Variants in NXN observed in about 807,000 individuals in gnomAD.
NXN encodes nucleoredoxin 1.
In NXN, 16 loss-of-function variants were observed where a neutral mutation model predicts 48.6. That is an observed-to-expected ratio of 0.33 (90% CI 0.22 to 0.50). The LOEUF (loss-of-function observed/expected upper bound fraction) is 0.50. Ranked by LOEUF, NXN falls within the 20% of genes least tolerant of loss-of-function variation. NXN has a pLI of 0.98. For missense variants in NXN, 492 were observed against 605.5 expected (o/e 0.81, Z 1.97); for synonymous variants, 281 against 269.6 (o/e 1.04, Z -0.41).
chr17:972,901 G>A (rs1041860078), intron 1 of NXN, among the ~76,000 whole-genome samples: 1 of 151,898 alleles, frequency 6.6e-6, no homozygotes, highest in African/African-American at 2.4e-5. Flanking sequence ...GGTGGTGACG[G>A]GCCCCTGTAG....
At chr17:915,344 A>T (rs2068677845) in intron 1 of NXN, among the ~76,000 whole-genome samples, 1 of 151,570 alleles carries the variant, frequency 6.6e-6, no homozygotes, top group Non-Finnish European at 1.5e-5. Context: ...CCCAGGCTGG[A>T]GTCATCTCGG....
intron 1 of NXN, among the ~76,000 whole-genome samples, chr17:886,251 C>T (rs1435324190): frequency 6.6e-6 from 1 of 152,068 alleles, no homozygotes; most frequent in Non-Finnish European, 1.5e-5. Flanking sequence ...CTTAGAATCT[C>T]TCCAACATTA....
intron 1 of NXN, among the ~76,000 whole-genome samples, chr17:868,531 G>A (rs1026753535): frequency 2.6e-5 from 4 of 151,692 alleles, no homozygotes; most frequent in Admixed American, 6.6e-5. Flanking sequence ...TCGCTCTGTC[G>A]CCCAGGCTGG....
rs1459831853 is a variant in NXN at position 842,978 on chromosome 17, AAGAGAGAAAGAGAGAAAGAG to A, written c.361-16920_361-16901del. Among the ~76,000 whole-genome samples the A allele has an allele frequency of 1.3e-3, 150 of 111,268 alleles. 1 individual carries two copies. Among genetic ancestry groups the A allele is most frequent in the African/African-American group, 2.1e-3 (59 of 28,134 alleles). 73.0% of individuals were successfully genotyped at this position (111,268 alleles called of 152,430 possible). ...AAAGAAAGAAAGAGAGAAAGAGAGA[AAGAGAGAAAGAGAGAAAGAG>A]AGAAAGAGAGAAAGAAAGAAAGAAA... On this transcript the variant is annotated intron_variant, in intron 1 of 7. Coordinates refer to ENST00000336868, the MANE Select transcript of NXN (RefSeq NM_022463.5).
At position 956,805 on chromosome 17, in the gene NXN, G is replaced by C. The variant is rs2069174680; in HGVS notation, c.360+22514C>G. The stretch of plus-strand genomic sequence containing the variant: ...TCGTTCCCACTTTACAGATGAGGAA[G>C]TGGGGTTAAAGTAACTTGCCCAAGA... On this transcript the variant is annotated intron_variant, in intron 1 of 7. Coordinates refer to ENST00000336868, the MANE Select transcript of NXN (RefSeq NM_022463.5). The surrounding 1 kb of genome is among the most constrained non-coding windows in gnomAD (Gnocchi z 4.1). 6.6e-6 allele frequency among the ~76,000 whole-genome samples: 1 copy of C among 152,180 alleles called. No homozygotes were observed. The highest frequency in any genetic ancestry group is 2.4e-5 in the African/African-American group (1 of 41,436).
At chr17:891,115 G>C (rs1383603530) in intron 1 of NXN, among the ~76,000 whole-genome samples, 30 of 152,160 alleles carry the variant, frequency 2.0e-4, no homozygotes, top group Non-Finnish European at 4.4e-5. Context: ...ATCTCACTCT[G>C]TTGCCCAGGC....
rs1337325572 is a variant in NXN at position 919,303 on chromosome 17, C to T, written c.360+60016G>A. On this transcript the variant is annotated intron_variant, in intron 1 of 7. Coordinates refer to ENST00000336868, the MANE Select transcript of NXN (RefSeq NM_022463.5). The surrounding 1 kb of genome is among the most constrained non-coding windows in gnomAD (Gnocchi z 5.1). ...GCTTGAACTAGGGAGGCAGAGGTTG[C>T]AGTGAGCCGAGATTGTGCCACTGTA... Among the ~76,000 whole-genome samples, 1 of 152,020 alleles carries T rather than the reference C, an allele frequency of 6.6e-6. No homozygotes were observed. The highest frequency in any genetic ancestry group is 1.5e-5 in the Non-Finnish European group (1 of 68,004).
chr17:959,360 C>T (rs1410597566), intron 1 of NXN: 10 of 230,758 alleles, frequency 4.3e-5, no homozygotes, highest in Non-Finnish European at 5.9e-5. Context: ...TACGTGGAGT[C>T]GCGCAGAGGC....
intron 1 of NXN, among the ~76,000 whole-genome samples, chr17:977,399 G>A (rs190249632): frequency 0.012 from 1,793 of 152,358 alleles, 28 homozygotes; most frequent in Non-Finnish European, 0.019. Flanking sequence ...GGAATCAGCA[G>A]GTCCAGGCTA....
At position 819,464 on chromosome 17, in the gene NXN, G is replaced by A; in HGVS notation, c.795C>T (p.Arg265=). 6.2e-7 allele frequency: 1 copy of A among 1,614,126 alleles called. No homozygotes were observed. Among genetic ancestry groups the A allele is most frequent in the Non-Finnish European group, 8.5e-7 (1 of 1,180,000 alleles). The change falls in exon 5 of 8, where the codon CGC becomes CGT. Residue 265 remains arginine, a synonymous_variant. Transcript: ENST00000336868. ...VPYTDEARRS[R]LNRLYGIQGI... Reference sequence around the variant, plus strand: ...CTTGGATTCCGTACAGCCGGTTGAGGCGCGACCGCCGGGCCTCATCCGTGT... The same window carrying A: ...CTTGGATTCCGTACAGCCGGTTGAGACGCGACCGCCGGGCCTCATCCGTGT...
Position 833,335 on chromosome 17 carries a change from C to T in NXN, c.361-7257G>A, listed in dbSNP as rs376774246. ...CGGCTCTGAAACAATGTGGTCTGCA[C>T]GGGAGTCACCATTCCGAAAAACACA... On this transcript the variant is annotated intron_variant, in intron 1 of 7. Coordinates refer to ENST00000336868, the MANE Select transcript of NXN (RefSeq NM_022463.5). Among the ~76,000 whole-genome samples the T allele has an allele frequency of 4.7e-4, 72 of 152,212 alleles. No individual in the cohort carries two copies. In the South Asian group the frequency reaches 0.012, roughly 26 times the overall value.
intron 1 of NXN, among the ~76,000 whole-genome samples, chr17:925,562 T>G (rs2144961401): frequency 6.6e-6 from 1 of 152,310 alleles, no homozygotes; most frequent in South Asian, 2.1e-4. Context: ...CTAGTTTTTG[T>G]AGTTTTAGTA....
At chr17:926,780 G>A (rs893991703) in intron 1 of NXN, among the ~76,000 whole-genome samples, 5 of 151,750 alleles carry the variant, frequency 3.3e-5, no homozygotes, top group Non-Finnish European at 5.9e-5. Flanking sequence ...GAGCTCAAGC[G>A]ATCTGCCCGC....
chr17:918,272 G>A (rs1425864148), intron 1 of NXN, among the ~76,000 whole-genome samples: 6 of 152,172 alleles, frequency 3.9e-5, no homozygotes, highest in Admixed American at 3.9e-4. Context: ...AAAGGGGTCT[G>A]GTCTTGATTA....
intron 1 of NXN, among the ~76,000 whole-genome samples, chr17:843,789 G>A (rs2067827893): frequency 6.6e-6 from 1 of 152,180 alleles, no homozygotes; most frequent in Admixed American, 6.5e-5. Context: ...GTGAACGTTG[G>A]GACCCTGACC....
At position 825,837 on chromosome 17, in the gene NXN, C is replaced by T. The variant is rs1324024865; in HGVS notation, c.478+124G>A. ...TTCACCAAGACGACATTCTCTACCACGTAAACCCACGTGTATCTATTTCAC... is the reference window on the plus strand; with the variant it reads ...TTCACCAAGACGACATTCTCTACCATGTAAACCCACGTGTATCTATTTCAC... On this transcript the variant is annotated intron_variant, in intron 2 of 7. Transcript: ENST00000336868. This position sits in a 1 kb window ranked among gnomAD's most constrained non-coding sequence, Gnocchi z 4.1. 14 of 659,512 alleles carry T rather than the reference C, an allele frequency of 2.1e-5. No homozygotes were observed. The highest frequency in any genetic ancestry group is 1.1e-4 in the East Asian group (4 of 38,000). The allele number at this position is 659,512 out of a possible 1,614,324, so 40.9% of individuals were successfully genotyped here.
intron 5 of NXN, chr17:819,078 C>T: frequency 3.1e-6 from 1 of 322,848 alleles, no homozygotes; most frequent in East Asian, 1.0e-4. Context: ...TCCTGAGTAG[C>T]TGGTACTACA....
At chr17:816,041 T>C (rs1186456621) in intron 5 of NXN, among the ~76,000 whole-genome samples, 2 of 151,920 alleles carry the variant, frequency 1.3e-5, no homozygotes, top group East Asian at 3.9e-4. Flanking sequence ...GGATGGAAAA[T>C]CCACAGCCAT....
chr17:919,760 G>C lies in NXN; in HGVS notation c.360+59559C>G, dbSNP rs754795992. Among the ~76,000 whole-genome samples, 1 of 152,024 alleles carries C rather than the reference G, an allele frequency of 6.6e-6. No individual in the cohort carries two copies. Among genetic ancestry groups the C allele is most frequent in the Non-Finnish European group, 1.5e-5 (1 of 68,006 alleles). On this transcript the variant is annotated intron_variant, in intron 1 of 7. Coordinates refer to ENST00000336868, the MANE Select transcript of NXN (RefSeq NM_022463.5). The surrounding 1 kb of genome is among the most constrained non-coding windows in gnomAD (Gnocchi z 5.1). ...AACGCAGTCCAGAAAATACAACTAG[G>C]GGCAGAGCGGTCCGGCACAAAACAC...
Sources: gnomAD v4.1 joint callset for allele counts (sites outside exome capture counted in the v4.1 genomes callset) on GRCh38, gnomAD v4.1.1 for gene constraint, Gnocchi (gnomAD v3.1) non-coding constraint, MANE v1.5 for transcripts, NCBI Gene and HGNC (gene_info 2026-07-23, HGNC 2026-07-21) for gene names.